Variants in ABCB1 observed in about 807,000 individuals in gnomAD.
The protein encoded by ABCB1 is ATP binding cassette subfamily B member 1.
In ABCB1, 69 loss-of-function variants were observed where a neutral mutation model predicts 142.0. The ratio of observed to expected loss-of-function variants is 0.49; its 90% confidence interval spans 0.40 to 0.59. The LOEUF (loss-of-function observed/expected upper bound fraction) is 0.59, where lower values mean the gene tolerates loss of function less well. Among genes scored for constraint, ABCB1 ranks in the 20% least tolerant of loss-of-function variants. ABCB1 has a pLI of 0.00. For missense variants in ABCB1, 1,326 were observed against 1,554.7 expected (o/e 0.85, Z 2.47); for synonymous variants, 532 against 539.2 (o/e 0.99, Z 0.18).
chr7:87,646,732 G>A lies in ABCB1; in HGVS notation c.-330-45654C>T, dbSNP rs535320880. The stretch of plus-strand genomic sequence containing the variant: ...CTGTACTTATTATTTCTTATTAAAA[G>A]TTTGCCAGGGATTGGCAGCATTATT... On this transcript the variant is annotated intron_variant, in intron 1 of 28. Coordinates refer to the ABCB1 transcript ENST00000265724. Among the ~76,000 whole-genome samples the A allele has an allele frequency of 5.9e-5, 9 of 152,118 alleles. No homozygotes were observed. The East Asian group carries it at 1.5e-3, about 26-fold the overall frequency.
chr7:87,639,324 A>AT (rs1822196656), intron 1 of ABCB1, among the ~76,000 whole-genome samples: 2 of 152,298 alleles, frequency 1.3e-5, no homozygotes, highest in Non-Finnish European at 2.9e-5. Flanking sequence ...TATATGGTTA[A>AT]TTTCAACATA....
chr7:87,666,124 C>CT (rs1825216843), intron 1 of ABCB1, among the ~76,000 whole-genome samples: 1 of 152,028 alleles, frequency 6.6e-6, no homozygotes, highest in Admixed American at 6.6e-5. Context: ...TAAGCATCCC[C>CT]TTTTCTCTGC....
At chr7:87,654,721 C>T (rs577421371) in intron 1 of ABCB1, among the ~76,000 whole-genome samples, 1 of 152,104 alleles carries the variant, frequency 6.6e-6, no homozygotes, top group South Asian at 2.1e-4. Context: ...GGAAAATAAA[C>T]AAGTGGAATT....
chr7:87,685,609 A>G (rs1235983184), intron 1 of ABCB1, among the ~76,000 whole-genome samples: 1 of 152,226 alleles, frequency 6.6e-6, no homozygotes, highest in Admixed American at 6.5e-5. Flanking sequence ...TTCCATTTAT[A>G]TGACATTCTA....
intron 8 of ABCB1, among the ~76,000 whole-genome samples, chr7:87,558,654 A>T (rs1409399225): frequency 6.6e-6 from 1 of 152,084 alleles, no homozygotes; most frequent in Non-Finnish European, 1.5e-5. Flanking sequence ...TTGACAGACA[A>T]AATAGTATGT....
chr7:87,687,529 C>T (rs772964485), intron 1 of ABCB1, among the ~76,000 whole-genome samples: 10 of 152,144 alleles, frequency 6.6e-5, no homozygotes, highest in African/African-American at 1.7e-4. Flanking sequence ...TCCACTAAAA[C>T]GTAAGCTTTA....
chr7:87,533,968 T>C (rs1300087128), intron 20 of ABCB1, among the ~76,000 whole-genome samples: 1 of 152,106 alleles, frequency 6.6e-6, no homozygotes, highest in South Asian at 2.1e-4. Context: ...AAGTTTGAGG[T>C]GTCTTTGAGG....
At chr7:87,681,020 C>A (rs1168156803) in intron 1 of ABCB1, among the ~76,000 whole-genome samples, 1 of 150,070 alleles carries the variant, frequency 6.7e-6, no homozygotes, top group African/African-American at 2.5e-5. Context: ...TACAAATTTC[C>A]AATATCAGGA....
chr7:87,628,983 CG>C (rs1049177916), intron 1 of ABCB1: 2 of 1,303,634 alleles, frequency 1.5e-6, no homozygotes, highest in Non-Finnish European at 2.0e-6. Context: ...AGCCTCCCGC[CG>C]GGGCTGAGAG....
intron 20 of ABCB1, among the ~76,000 whole-genome samples, chr7:87,532,623 G>A (rs781537453): frequency 2.0e-5 from 3 of 152,142 alleles, no homozygotes; most frequent in Non-Finnish European, 4.4e-5. Flanking sequence ...GTTCTGAGAA[G>A]AGCCCACCCC....
At chr7:87,581,465 T>C (rs1470066118) in intron 4 of ABCB1, among the ~76,000 whole-genome samples, 1 of 151,986 alleles carries the variant, frequency 6.6e-6, no homozygotes, top group African/African-American at 2.4e-5. Context: ...TTAAGCTTTG[T>C]TTACAAAAAA....
chr7:87,528,730 A>G (rs1182391454), intron 21 of ABCB1, among the ~76,000 whole-genome samples: 1 of 152,236 alleles, frequency 6.6e-6, no homozygotes, highest in Non-Finnish European at 1.5e-5. Flanking sequence ...ATGGTACACC[A>G]TTAACCAATA....
chr7:87,547,317 G>T (rs889510990), intron 14 of ABCB1, among the ~76,000 whole-genome samples: 1 of 152,040 alleles, frequency 6.6e-6, no homozygotes, highest in Non-Finnish European at 1.5e-5. Context: ...AAGAAAAAAG[G>T]GGTATGTGGA....
chr7:87,696,290 G>T (rs930367287), intron 1 of ABCB1, among the ~76,000 whole-genome samples: 2 of 152,110 alleles, frequency 1.3e-5, no homozygotes, highest in Non-Finnish European at 2.9e-5. Context: ...GGAAGTCAAA[G>T]TATTTGAGGA....
At chr7:87,506,880 G>A (rs967988692) in intron 26 of ABCB1, among the ~76,000 whole-genome samples, 4 of 152,196 alleles carry the variant, frequency 2.6e-5, no homozygotes. Context: ...CCTGTAAATA[G>A]AGGGAGAAGA....
chr7:87,710,701 C>G, intron 1 of ABCB1: 3 of 1,031,894 alleles, frequency 2.9e-6, no homozygotes, highest in African/African-American at 3.3e-5. Flanking sequence ...GAAAGAATCA[C>G]CTGAAGACTC....
In ABCB1 at chr7:87,545,001, T is replaced by C; in HGVS notation, c.1888-2A>G. 1 of 1,613,294 alleles carries C rather than the reference T, an allele frequency of 6.2e-7. No homozygotes were observed. The highest frequency in any genetic ancestry group is 8.5e-7 in the Non-Finnish European group (1 of 1,179,680). ...TAATTCAACTTCATTTCCTGCTGTCTAAAATAAATAAGAAATATGCAAAAG... is the reference window on the plus strand; with the variant it reads ...TAATTCAACTTCATTTCCTGCTGTCCAAAATAAATAAGAAATATGCAAAAG... On this transcript the variant is annotated splice_acceptor_variant, in intron 15 of 27. Coordinates refer to ENST00000622132, the MANE Select transcript of ABCB1 (RefSeq NM_001348946.2). LOFTEE classifies it high-confidence loss of function.
At position 87,516,489 on chromosome 7, in the gene ABCB1, A is replaced by T; in HGVS notation, c.3084+20T>A. 2 of 1,614,154 alleles carry T rather than the reference A, an allele frequency of 1.2e-6. No homozygotes were observed. Among genetic ancestry groups the T allele is most frequent in the Non-Finnish European group, 1.7e-6 (2 of 1,179,980 alleles). ...TTCAGGAGTCAGGAGTAGATCAAAC[A>T]GTTGAAACATCAAACTCACCGGCAT... On this transcript the variant is annotated intron_variant, in intron 24 of 27. Coordinates refer to ENST00000622132, the MANE Select transcript of ABCB1 (RefSeq NM_001348946.2).
At chr7:87,539,652 A>G (rs1816444642) in intron 18 of ABCB1, among the ~76,000 whole-genome samples, 1 of 152,214 alleles carries the variant, frequency 6.6e-6, no homozygotes, top group Non-Finnish European at 1.5e-5. Flanking sequence ...GGGAATCCAG[A>G]GCCTGAGCTT....
Sources: gnomAD v4.1 joint callset for allele counts (sites outside exome capture counted in the v4.1 genomes callset) on GRCh38, gnomAD v4.1.1 for gene constraint, MANE v1.5 for transcripts, NCBI Gene and HGNC (gene_info 2026-07-23, HGNC 2026-07-21) for gene names.